The following CCDC102B variants were observed in gnomAD, a reference collection of about 807,000 sequenced individuals.
The protein encoded by CCDC102B is coiled-coil domain-containing protein 102B.
CCDC102B carries 75 observed loss-of-function variants against 57.4 expected under a neutral mutation model. That is an observed-to-expected ratio of 1.31 (90% confidence interval 1.08 to 1.58). CCDC102B has a LOEUF of 1.58. Among genes scored for constraint, CCDC102B ranks in the 40% most tolerant of loss-of-function variants. The pLI is 0.00. For missense variants in CCDC102B, 636 were observed against 582.6 expected (o/e 1.09, Z -0.94); for synonymous variants, 206 against 201.9 (o/e 1.02, Z -0.17).
At chr18:68,794,055 T>C (rs2035551121), upstream of CCDC102B, among the ~76,000 whole-genome samples, 2 of 152,292 alleles carry the variant, frequency 1.3e-5, no homozygotes, top group South Asian at 4.1e-4. Flanking sequence ...CAATTTTCCA[T>C]TGGCCTCTAG....
At chr18:68,742,526 T>C (rs547850590) in intron 2 of CCDC102B, among the ~76,000 whole-genome samples, 164 of 152,356 alleles carry the variant, frequency 1.1e-3, no homozygotes, top group Non-Finnish European at 1.8e-3. Flanking sequence ...TTGACAGAAG[T>C]GATTAATGTT....
At chr18:68,862,292 C>T (rs1297194073) in intron 4 of CCDC102B, among the ~76,000 whole-genome samples, 1 of 152,042 alleles carries the variant, frequency 6.6e-6, no homozygotes, top group Non-Finnish European at 1.5e-5. Flanking sequence ...TTTTTCCTGG[C>T]CTTTCAGTGA....
intron 6 of CCDC102B, among the ~76,000 whole-genome samples, chr18:68,988,783 T>C (rs1398223713): frequency 6.6e-6 from 1 of 152,212 alleles, no homozygotes; most frequent in African/African-American, 2.4e-5. Flanking sequence ...TTGCATGGAC[T>C]ATAGAGATAG....
At chr18:68,939,384 A>C (rs1320624745) in intron 6 of CCDC102B, among the ~76,000 whole-genome samples, 2 of 151,674 alleles carry the variant, frequency 1.3e-5, no homozygotes, top group Admixed American at 6.6e-5. Flanking sequence ...CCACAATTTC[A>C]GGGGTATTTT....
chr18:68,769,440 C>T (rs1345227943), intron 2 of CCDC102B, among the ~76,000 whole-genome samples: 1 of 152,024 alleles, frequency 6.6e-6, no homozygotes, highest in Non-Finnish European at 1.5e-5. Context: ...AGAGGTTCAA[C>T]ATATGAGTTT....
intron 1 of CCDC102B, among the ~76,000 whole-genome samples, chr18:68,824,479 G>A (rs4293476): frequency 0.43 from 64,938 of 151,996 alleles, 15,069 homozygotes; most frequent in East Asian, 0.86. Context: ...TTCTTTTTCA[G>A]TTTGGATGAC....
intron 5 of CCDC102B, among the ~76,000 whole-genome samples, chr18:68,895,103 AC>A (rs961835666): frequency 1.7e-4 from 26 of 151,976 alleles, no homozygotes; most frequent in African/African-American, 6.0e-4. Flanking sequence ...AATGATAGAA[AC>A]TTTAAGTATT....
At chr18:68,810,820 C>T (rs2036235606) in intron 1 of CCDC102B, among the ~76,000 whole-genome samples, 1 of 150,268 alleles carries the variant, frequency 6.7e-6, no homozygotes, top group Admixed American at 6.7e-5. Context: ...AGGTATTTAT[C>T]CTAATGCTAT....
At position 68,897,411 on chromosome 18, in the gene CCDC102B, C is replaced by A; in HGVS notation, c.1246C>A (p.Leu416Met). 6.2e-7 allele frequency: 1 copy of A among 1,610,136 alleles called. No individual in the cohort carries two copies. Among genetic ancestry groups the A allele is most frequent in the South Asian group, 1.1e-5 (1 of 90,762 alleles). The change falls in exon 6 of 8, where the codon CTG becomes ATG. Residue 416 changes from leucine (L) to methionine (M), a missense_variant. Physicochemically the swap from Leu to Met is conservative, Grantham distance 15. Coordinates refer to ENST00000360242, the MANE Select transcript of CCDC102B (RefSeq NM_024781.3). ...SPDFKMSQID[L>M]QEKNQELLNL... ...TGATTTCAAGATGTCACAAATTGATCTGCAAGAAAAAAACCAGGTATGGGT... is the reference window on the plus strand; with the variant it reads ...TGATTTCAAGATGTCACAAATTGATATGCAAGAAAAAAACCAGGTATGGGT...
chr18:69,021,559 G>A (rs865828358), intron 7 of CCDC102B, among the ~76,000 whole-genome samples: 1 of 152,186 alleles, frequency 6.6e-6, no homozygotes, highest in Non-Finnish European at 1.5e-5. Flanking sequence ...GCTTTTTAAC[G>A]TTGTGAGAGA....
intron 2 of CCDC102B, among the ~76,000 whole-genome samples, chr18:68,785,211 T>G (rs2035158062): frequency 1.3e-5 from 2 of 152,086 alleles, no homozygotes; most frequent in Non-Finnish European, 2.9e-5. Flanking sequence ...CCACATTTTC[T>G]TAATCCAGTC....
chr18:68,726,431 G>A (rs1164443384), intron 2 of CCDC102B, among the ~76,000 whole-genome samples: 1 of 152,198 alleles, frequency 6.6e-6, no homozygotes, highest in Admixed American at 6.5e-5. Flanking sequence ...ATAGTGCCCT[G>A]ATGTTGCCAG....
At chr18:68,890,009 T>A (rs957494185) in intron 5 of CCDC102B, among the ~76,000 whole-genome samples, 1 of 152,184 alleles carries the variant, frequency 6.6e-6, no homozygotes, top group African/African-American at 2.4e-5. Flanking sequence ...CCCTGGCATA[T>A]CTTACTGGAG....
At chr18:68,877,472 A>G (rs1034456503) in intron 5 of CCDC102B, among the ~76,000 whole-genome samples, 1 of 152,224 alleles carries the variant, frequency 6.6e-6, no homozygotes, top group Non-Finnish European at 1.5e-5. Flanking sequence ...GTTGTGTACA[A>G]TTCTTCTAAG....
chr18:68,933,620 A>G (rs1487409408), intron 6 of CCDC102B, among the ~76,000 whole-genome samples: 2 of 151,906 alleles, frequency 1.3e-5, no homozygotes, highest in Non-Finnish European at 2.9e-5. Flanking sequence ...TTGCTCGATT[A>G]TATTTTGTGA....
At position 68,760,831 on chromosome 18, in the gene CCDC102B, C is replaced by G. The variant is rs117333274; in HGVS notation, c.-67+44237C>G. ...GTGCTTGCAGCAAGAAGGATAACAG[C>G]TTACCTGGGTGAATTGAAAACTTTT... is the stretch of plus-strand genomic sequence containing the variant. On this transcript the variant is annotated intron_variant, in intron 2 of 3. Coordinates refer to the CCDC102B transcript ENST00000578970. Among the ~76,000 whole-genome samples, 99 of 152,174 alleles carry G rather than the reference C, an allele frequency of 6.5e-4. No individual in the cohort carries two copies. In the East Asian group the frequency reaches 0.016, roughly 24 times the overall value.
At chr18:68,911,724 C>T (rs1395553168) in intron 6 of CCDC102B, among the ~76,000 whole-genome samples, 1 of 111,120 alleles carries the variant, frequency 9.0e-6, no homozygotes. Flanking sequence ...TGCACTCCAG[C>T]CTGGGCGACA....
At chr18:68,989,682 T>C (rs1841831816) in intron 6 of CCDC102B, among the ~76,000 whole-genome samples, 1 of 152,182 alleles carries the variant, frequency 6.6e-6, no homozygotes, top group Admixed American at 6.5e-5. Flanking sequence ...CCACGTTGTC[T>C]CTCTTGCCTG....
At chr18:68,805,424 C>A (rs1405431119) in intron 1 of CCDC102B, among the ~76,000 whole-genome samples, 1 of 152,126 alleles carries the variant, frequency 6.6e-6, no homozygotes, top group Non-Finnish European at 1.5e-5. Flanking sequence ...AGACATGGAG[C>A]AGGAAGACAG....
Sources: allele counts gnomAD v4.1 joint callset (sites outside exome capture counted in the v4.1 genomes callset), GRCh38; gene constraint gnomAD v4.1.1; transcripts MANE v1.5; gene names NCBI Gene and HGNC (gene_info 2026-07-23, HGNC 2026-07-21).